The following LRRD1 variants were observed in gnomAD, a reference collection of about 807,000 sequenced individuals.
LRRD1 encodes the protein leucine-rich repeat and death domain-containing protein 1.
A neutral mutation model predicts 69.5 loss-of-function variants in LRRD1; 49 were observed. The observed-to-expected ratio is 0.70, with a 90% CI of 0.56 to 0.89. The LOEUF (loss-of-function observed/expected upper bound fraction) is 0.89, where lower values mean the gene tolerates loss of function less well. LRRD1 is among the 40% of genes least tolerant of loss of function. LRRD1 has a pLI of 0.00. For missense variants in LRRD1, 853 were observed against 956.0 expected (o/e 0.89, Z 1.42); for synonymous variants, 303 against 338.9 (o/e 0.89, Z 1.16).
downstream of LRRD1, chr7:92,141,992 G>A (rs927691412): frequency 1.6e-4 from 24 of 153,498 alleles, no homozygotes; most frequent in African/African-American, 5.3e-4. Flanking sequence ...GCCCAGGATG[G>A]AGTGCAGTGG....
chr7:92,154,700 ATTTAT>A (rs1279715122), intron 3 of LRRD1, among the ~76,000 whole-genome samples: 1 of 151,564 alleles, frequency 6.6e-6, no homozygotes, highest in Non-Finnish European at 1.5e-5. Context: ...TATTGTGGTT[ATTTAT>A]TTGTTTTTGT....
chr7:92,155,135 A>C (rs1788624210), intron 3 of LRRD1, among the ~76,000 whole-genome samples: 1 of 152,174 alleles, frequency 6.6e-6, no homozygotes, highest in African/African-American at 2.4e-5. Context: ...TTTTCACTTA[A>C]AGGAAGCACT....
intron 2 of LRRD1, among the ~76,000 whole-genome samples, chr7:92,160,547 C>T (rs565738864): frequency 1.1e-3 from 164 of 152,178 alleles, no homozygotes; most frequent in Non-Finnish European, 3.4e-4. Context: ...GGCGGCTGGG[C>T]TCGGTGGCTC....
intron 3 of LRRD1, 25 bp downstream of exon 3, chr7:92,158,980 C>T (rs1423373621): frequency 1.3e-6 from 2 of 1,509,996 alleles, no homozygotes; most frequent in Admixed American, 2.5e-5. Flanking sequence ...ATTGATTATG[C>T]TTACTGATTA....
downstream of LRRD1, among the ~76,000 whole-genome samples, chr7:92,144,493 G>C (rs950325065): frequency 6.6e-6 from 1 of 151,904 alleles, no homozygotes; most frequent in African/African-American, 2.4e-5. Flanking sequence ...CCGGCGTGGT[G>C]GTGGGCGCCT....
intron 1 of LRRD1, among the ~76,000 whole-genome samples, chr7:92,166,999 T>C (rs555488450): frequency 6.6e-6 from 1 of 152,176 alleles, no homozygotes; most frequent in Admixed American, 6.5e-5. Context: ...AATATATATG[T>C]AGAAAATCCA....
chr7:92,146,188 T>C lies in LRRD1; in HGVS notation c.2291A>G (p.Glu764Gly). Residue 764 changes from glutamate to glycine, a missense_variant, in exon 5 of 6, where the codon GAG becomes GGG. Physicochemically the swap from Glu to Gly is moderately conservative, Grantham distance 98. Coordinates refer to ENST00000458448, the MANE Select transcript of LRRD1 (RefSeq NM_001161528.2). ...GTTGGCAACTATCTTGAATATCTTC[T>C]CTAAAATTTTCTCTACGTTTGAACA... is the stretch of plus-strand genomic sequence containing the variant. ...RADERDEKILEKIFKIVANNI... is the reference protein window; with the variant it reads ...RADERDEKILGKIFKIVANNI... 6.8e-7 allele frequency: 1 copy of C among 1,467,468 alleles called. No individual in the cohort carries two copies. Among genetic ancestry groups the C allele is most frequent in the East Asian group, 2.5e-5 (1 of 40,128 alleles). The allele number at this position is 1,467,468 out of a possible 1,614,324, so 90.9% of individuals were successfully genotyped here. A position where few individuals can be genotyped will look rare whatever the true frequency, so the allele number is the denominator to read the frequency against.
At chr7:92,170,065 C>T (rs368761436) in intron 1 of LRRD1, among the ~76,000 whole-genome samples, 35 of 90,558 alleles carry the variant, frequency 3.9e-4, no homozygotes, top group African/African-American at 2.2e-3. Context: ...TAGAATGAGA[C>T]CTTGAAAAAA....
chr7:92,172,466 G>A (rs1401824572), intron 1 of LRRD1, among the ~76,000 whole-genome samples: 3 of 151,944 alleles, frequency 2.0e-5, no homozygotes, highest in Non-Finnish European at 4.4e-5. Context: ...TAAAAAATTT[G>A]TTAGAACTAA....
intron 4 of LRRD1, among the ~76,000 whole-genome samples, chr7:92,150,159 T>G (rs946603832): frequency 4.6e-5 from 7 of 152,230 alleles, no homozygotes; most frequent in African/African-American, 1.7e-4. Context: ...AACCATCTTT[T>G]AATTCATATC....
intron 1 of LRRD1, among the ~76,000 whole-genome samples, chr7:92,168,269 G>C (rs970614737): frequency 6.6e-6 from 1 of 152,194 alleles, no homozygotes; most frequent in African/African-American, 2.4e-5. Flanking sequence ...AAGGTGGACA[G>C]CTGGCTTCCC....
At chr7:92,152,937 G>A (rs1016673598) in intron 3 of LRRD1, among the ~76,000 whole-genome samples, 6 of 152,016 alleles carry the variant, frequency 3.9e-5, no homozygotes, top group Admixed American at 1.3e-4. Context: ...CAAAGTGCTG[G>A]GATTACAGGC....
At chr7:92,143,674 G>A (rs6975248), downstream of LRRD1, among the ~76,000 whole-genome samples, 60,368 of 152,084 alleles carry the variant, frequency 0.4, 12,273 homozygotes, top group African/African-American at 0.45. Flanking sequence ...CGCAAGCACC[G>A]CGTGCAGCCC....
At chr7:92,167,733 C>T (rs1299083873) in intron 1 of LRRD1, among the ~76,000 whole-genome samples, 2 of 150,906 alleles carry the variant, frequency 1.3e-5, no homozygotes, top group Non-Finnish European at 3.0e-5. Context: ...GAAAATTAGC[C>T]GGGCATAGTG....
intron 1 of LRRD1, among the ~76,000 whole-genome samples, chr7:92,166,587 C>T (rs1788916428): frequency 6.6e-6 from 1 of 152,186 alleles, no homozygotes; most frequent in Non-Finnish European, 1.5e-5. Context: ...AAGCATACTA[C>T]TTCATGAGTC....
chr7:92,167,770 G>C (rs1788943071), intron 1 of LRRD1, among the ~76,000 whole-genome samples: 1 of 147,866 alleles, frequency 6.8e-6, no homozygotes, highest in Admixed American at 6.8e-5. Flanking sequence ...CCAGCTACTC[G>C]GGAGGCTGAG....
At chr7:92,149,912 T>A (rs1251717668) in intron 4 of LRRD1, 1 of 456,774 alleles carries the variant, frequency 2.2e-6, no homozygotes, top group Admixed American at 2.3e-5. Context: ...CAGATTTATG[T>A]GTGGATTTTG....
At chr7:92,155,919 C>A (rs924344148) in intron 3 of LRRD1, among the ~76,000 whole-genome samples, 1 of 152,196 alleles carries the variant, frequency 6.6e-6, no homozygotes, top group African/African-American at 2.4e-5. Context: ...CCAGTCTAGT[C>A]CTTCCACGTA....
chr7:92,153,469 T>G (rs946084552), intron 3 of LRRD1, among the ~76,000 whole-genome samples: 9 of 152,028 alleles, frequency 5.9e-5, no homozygotes, highest in South Asian at 2.1e-4. Flanking sequence ...GTTTTTAGTT[T>G]TTTTTTTTTT....
Sources: gnomAD v4.1 joint callset for allele counts (sites outside exome capture counted in the v4.1 genomes callset) on GRCh38, gnomAD v4.1.1 for gene constraint, MANE v1.5 for transcripts, NCBI Gene and HGNC (gene_info 2026-07-23, HGNC 2026-07-21) for gene names.